The following HNF4G variants were observed in gnomAD, a reference collection of about 807,000 sequenced individuals.
The protein encoded by HNF4G is hepatocyte nuclear factor 4-gamma.
A neutral mutation model predicts 50.9 loss-of-function variants in HNF4G; 21 were observed. The ratio of observed to expected loss-of-function variants is 0.41; its 90% confidence interval spans 0.29 to 0.59. The LOEUF (loss-of-function observed/expected upper bound fraction) is 0.59. HNF4G is among the 20% of genes least tolerant of loss of function. HNF4G has a pLI of 0.26. For synonymous variants in HNF4G, 198 were observed against 185.6 expected (o/e 1.07, Z -0.54); for missense variants, 527 against 559.4 (o/e 0.94, Z 0.58).
chr8:75,425,802 T>C (rs1309553655), intron 1 of HNF4G, among the ~76,000 whole-genome samples: 1 of 151,984 alleles, frequency 6.6e-6, no homozygotes, highest in Non-Finnish European at 1.5e-5. Context: ...CTACTGTCGA[T>C]GGTTAATTGG....
At chr8:75,450,555 C>A (rs758008652) in intron 1 of HNF4G, among the ~76,000 whole-genome samples, 2 of 152,152 alleles carry the variant, frequency 1.3e-5, no homozygotes, top group African/African-American at 2.4e-5. Context: ...TTCTCACCAA[C>A]TGTGTATAAG....
intron 1 of HNF4G, among the ~76,000 whole-genome samples, chr8:75,467,520 C>A (rs565556320): frequency 4.5e-4 from 68 of 152,108 alleles, no homozygotes; most frequent in African/African-American, 1.5e-3. Flanking sequence ...ATCAGCTGAG[C>A]GTGGTGGCAC....
chr8:75,543,115 G>A (rs1806676758), intron 1 of HNF4G, among the ~76,000 whole-genome samples: 1 of 152,130 alleles, frequency 6.6e-6, no homozygotes, highest in Non-Finnish European at 1.5e-5. Flanking sequence ...GCTGAGGCAT[G>A]GGAATCACTT....
At chr8:75,477,922 G>A (rs1445370707) in intron 1 of HNF4G, among the ~76,000 whole-genome samples, 2 of 151,612 alleles carry the variant, frequency 1.3e-5, no homozygotes, top group African/African-American at 2.4e-5. Context: ...AGCCGAGATC[G>A]TGCTATTGCA....
At chr8:75,499,765 G>C (rs1288994096) in intron 2 of HNF4G, among the ~76,000 whole-genome samples, 1 of 151,874 alleles carries the variant, frequency 6.6e-6, no homozygotes, top group African/African-American at 2.4e-5. Context: ...ATTTTGACAA[G>C]GGCACCAAGA....
At chr8:75,512,700 G>A (rs1415374991) in intron 2 of HNF4G, among the ~76,000 whole-genome samples, 24 of 151,952 alleles carry the variant, frequency 1.6e-4, no homozygotes, top group Admixed American at 1.5e-3. Context: ...TCCTGACCTC[G>A]AGATCCGCCC....
exon 2 of HNF4G, chr8:75,490,169 C>A (rs1812590959): frequency 1.3e-5 from 2 of 152,626 alleles, no homozygotes; most frequent in Admixed American, 1.3e-4. Flanking sequence ...TGATTCTACT[C>A]TTCTCTACAA....
chr8:75,424,093 T>C (rs1395327214), intron 1 of HNF4G, among the ~76,000 whole-genome samples: 1 of 152,140 alleles, frequency 6.6e-6, no homozygotes, highest in Non-Finnish European at 1.5e-5. Context: ...AGTGCTGAGA[T>C]TACAGGCGTG....
intron 1 of HNF4G, among the ~76,000 whole-genome samples, chr8:75,432,670 C>A (rs1303617775): frequency 2.0e-5 from 3 of 152,168 alleles, no homozygotes; most frequent in African/African-American, 7.2e-5. Flanking sequence ...TGGTAGCTAG[C>A]TTCTGAGATG....
rs1360416400 is a variant in HNF4G at position 75,547,416 on chromosome 8, G to A, written c.288-171G>A. Among the ~76,000 whole-genome samples, 6 of 152,360 alleles carry A rather than the reference G, an allele frequency of 3.9e-5. No individual in the cohort carries two copies. The South Asian group carries it at 6.2e-4, about 16-fold the overall frequency. On this transcript the variant is annotated intron_variant, in intron 2 of 9. Transcript: ENST00000396423. ...AGACTAAGTGAGAGGTGAGGCTCGC[G>A]TTTTCACGCACATGCTGATTGAGAG...
chr8:75,471,703 C>T (rs1246418887), intron 1 of HNF4G, among the ~76,000 whole-genome samples: 1 of 152,104 alleles, frequency 6.6e-6, no homozygotes, highest in Admixed American at 6.5e-5. Context: ...TTAGCTCTAT[C>T]CTTGTCTTGA....
chr8:75,440,119 A>G (rs893286760), intron 1 of HNF4G, among the ~76,000 whole-genome samples: 3 of 152,160 alleles, frequency 2.0e-5, no homozygotes, highest in African/African-American at 7.2e-5. Flanking sequence ...TTACAAATCC[A>G]TAGCTGGTTG....
chr8:75,439,451 T>C lies in HNF4G; in HGVS notation c.-144+31289T>C, dbSNP rs148792606. Among the ~76,000 whole-genome samples, 610 of 152,178 alleles carry C rather than the reference T, an allele frequency of 4.0e-3. 3 individuals are homozygous for C. The highest frequency in any genetic ancestry group is 6.6e-3 in the Non-Finnish European group (450 of 67,902). ...GCAGTATCAAGATCTTCATTGATAATATTGTTAAATTATAGGACTCATCAT... is the reference window on the plus strand; with the variant it reads ...GCAGTATCAAGATCTTCATTGATAACATTGTTAAATTATAGGACTCATCAT... On this transcript the variant is annotated intron_variant, in intron 1 of 10. Transcript: ENST00000354370.
At chr8:75,526,432 A>G (rs924900746) in intron 2 of HNF4G, among the ~76,000 whole-genome samples, 1 of 152,158 alleles carries the variant, frequency 6.6e-6, no homozygotes, top group Non-Finnish European at 1.5e-5. Context: ...CTCAGTGCGC[A>G]TATTCCCAGT....
chr8:75,420,665 G>A (rs898095495), intron 1 of HNF4G, among the ~76,000 whole-genome samples: 2 of 152,128 alleles, frequency 1.3e-5, no homozygotes, highest in Non-Finnish European at 2.9e-5. Context: ...GTTTCTGTGA[G>A]TTTCCTCTGA....
chr8:75,426,557 TA>T (rs1464644896), intron 1 of HNF4G, among the ~76,000 whole-genome samples: 9 of 152,168 alleles, frequency 5.9e-5, no homozygotes, highest in Admixed American at 1.3e-4. Context: ...GTGCCGGCAA[TA>T]AATATTTTCT....
intron 2 of HNF4G, among the ~76,000 whole-genome samples, chr8:75,491,799 A>T (rs1048913664): frequency 1.3e-5 from 2 of 152,172 alleles, no homozygotes; most frequent in African/African-American, 4.8e-5. Flanking sequence ...TCTCATTGAA[A>T]TGGGAAATGC....
chr8:75,497,355 A>C (rs2130697266), intron 2 of HNF4G, among the ~76,000 whole-genome samples: 1 of 152,310 alleles, frequency 6.6e-6, no homozygotes, highest in South Asian at 2.1e-4. Flanking sequence ...TATAAAGTAC[A>C]ATATATAATA....
chr8:75,454,897 T>C (rs548766019), intron 1 of HNF4G, among the ~76,000 whole-genome samples: 23 of 151,442 alleles, frequency 1.5e-4, no homozygotes, highest in Non-Finnish European at 2.9e-4. Flanking sequence ...TATTTTTGAG[T>C]GATTGAATAA....
Sources: gnomAD v4.1 joint callset for allele counts (sites outside exome capture counted in the v4.1 genomes callset) on GRCh38, gnomAD v4.1.1 for gene constraint, MANE v1.5 for transcripts, NCBI Gene and HGNC (gene_info 2026-07-23, HGNC 2026-07-21) for gene names.